The following RBFOX1 variants were observed in gnomAD, a reference collection of about 807,000 sequenced individuals.
RBFOX1 encodes the protein RNA binding protein fox-1 homolog 1.
In RBFOX1, 8 loss-of-function variants were observed where a neutral mutation model predicts 57.7. That is an observed-to-expected ratio of 0.14 (90% CI 0.08 to 0.25). The LOEUF (loss-of-function observed/expected upper bound fraction) is 0.25. Ranked by LOEUF, RBFOX1 falls within the 10% of genes least tolerant of loss-of-function variation. The probability of loss-of-function intolerance (pLI) is 1.00; values close to 1 mark genes in which losing one functional copy is unlikely to be tolerated. For synonymous variants in RBFOX1, 326 were observed against 222.4 expected (o/e 1.47, Z -4.15); for missense variants, 611 against 548.5 (o/e 1.11, Z -1.14).
At chr16:7,543,660 G>T (rs1252566190) in intron 5 of RBFOX1, among the ~76,000 whole-genome samples, 2 of 148,382 alleles carry the variant, frequency 1.3e-5, no homozygotes, top group African/African-American at 5.0e-5. Flanking sequence ...ACCATGCTGG[G>T]CAGTATCTGT....
intron 4 of RBFOX1, among the ~76,000 whole-genome samples, chr16:7,431,988 G>T (rs951140781): frequency 2.0e-5 from 3 of 152,206 alleles, no homozygotes; most frequent in African/African-American, 7.2e-5. Flanking sequence ...CCACCAGTGG[G>T]CAGCCTGTGG....
At chr16:7,482,593 C>G (rs918464308) in intron 4 of RBFOX1, among the ~76,000 whole-genome samples, 3 of 128,184 alleles carry the variant, frequency 2.3e-5, no homozygotes, top group African/African-American at 3.2e-5. Flanking sequence ...AAGATATTGC[C>G]TAGCCTCGGG....
At chr16:7,061,389 G>C (rs2054217953) in intron 4 of RBFOX1, among the ~76,000 whole-genome samples, 1 of 152,152 alleles carries the variant, frequency 6.6e-6, no homozygotes, top group Non-Finnish European at 1.5e-5. Flanking sequence ...TTCTGATCAA[G>C]AAATCAGCCA....
At chr16:6,256,255 A>ATGTGTATATATATATGTATATATATATG (rs1567788772) in intron 1 of RBFOX1, among the ~76,000 whole-genome samples, 5 of 110,402 alleles carry the variant, frequency 4.5e-5, no homozygotes, top group Admixed American at 2.0e-4. Context: ...ATGTATATAT[A>ATGTGTATATATATATGTATATATATATG]TGTGTATATA....
chr16:7,535,023 A>C (rs557282770), intron 5 of RBFOX1, among the ~76,000 whole-genome samples: 1 of 152,248 alleles, frequency 6.6e-6, no homozygotes, highest in South Asian at 2.1e-4. Flanking sequence ...GGCTAAGTGG[A>C]CCTCTGATTA....
intron 3 of RBFOX1, among the ~76,000 whole-genome samples, chr16:6,892,647 G>T (rs1423971663): frequency 2.0e-5 from 3 of 151,870 alleles, no homozygotes; most frequent in Non-Finnish European, 2.9e-5. Flanking sequence ...TCCAGCCTGG[G>T]CAACAGAGCA....
chr16:5,771,054 G>T (rs1429720588), intron 3 of RBFOX1, among the ~76,000 whole-genome samples: 1 of 152,184 alleles, frequency 6.6e-6, no homozygotes, highest in Admixed American at 6.5e-5. Flanking sequence ...CAAAACCTGA[G>T]GCTGCCTCCC....
At chr16:7,149,216 T>G (rs1426559020) in intron 4 of RBFOX1, among the ~76,000 whole-genome samples, 5 of 152,170 alleles carry the variant, frequency 3.3e-5, no homozygotes, top group African/African-American at 4.8e-5. Flanking sequence ...GAGTCAAGAC[T>G]GCTGGACTTC....
At chr16:5,457,474 A>T (rs984227019) in intron 1 of RBFOX1, among the ~76,000 whole-genome samples, 2 of 152,188 alleles carry the variant, frequency 1.3e-5, no homozygotes, top group Non-Finnish European at 2.9e-5. Context: ...CCCATTCATT[A>T]GAGTTCCACT....
chr16:7,076,620 C>T (rs896247823), intron 4 of RBFOX1, among the ~76,000 whole-genome samples: 1 of 152,132 alleles, frequency 6.6e-6, no homozygotes, highest in African/African-American at 2.4e-5. Context: ...TTTATTTTTG[C>T]ACATGAAATT....
At chr16:6,045,754 G>C (rs1157254587) in intron 1 of RBFOX1, among the ~76,000 whole-genome samples, 1 of 152,204 alleles carries the variant, frequency 6.6e-6, no homozygotes, top group African/African-American at 2.4e-5. Flanking sequence ...TGTTTCCTTA[G>C]GTGGAAGGTG....
chr16:6,333,712 G>A (rs1599734808), intron 2 of RBFOX1, among the ~76,000 whole-genome samples: 1 of 152,172 alleles, frequency 6.6e-6, no homozygotes, highest in African/African-American at 2.4e-5. Flanking sequence ...TAAGTTTTTA[G>A]ATCACAGACA....
At chr16:6,463,801 C>T (rs936625645) in intron 2 of RBFOX1, among the ~76,000 whole-genome samples, 1 of 152,190 alleles carries the variant, frequency 6.6e-6, no homozygotes, top group Non-Finnish European at 1.5e-5. Context: ...CACTGAATCA[C>T]GTGCCCATCA....
intron 3 of RBFOX1, among the ~76,000 whole-genome samples, chr16:5,725,666 C>T (rs974570758): frequency 6.6e-6 from 1 of 151,658 alleles, no homozygotes; most frequent in Non-Finnish European, 1.5e-5. Flanking sequence ...TAAGGAGAAT[C>T]AGAGAGGTAA....
chr16:6,539,806 G>GACACACACACACATACACACAC (rs2096787170), intron 2 of RBFOX1, among the ~76,000 whole-genome samples: 1 of 136,234 alleles, frequency 7.3e-6, no homozygotes, highest in East Asian at 2.7e-4. Context: ...TCAAAACACA[G>GACACACACACACATACACACAC]ACACACACAC....
chr16:7,519,680 C>T, intron 5 of RBFOX1: 1 of 985,254 alleles, frequency 1.0e-6, no homozygotes, highest in Non-Finnish European at 1.2e-6. Context: ...GCTTGGGAAC[C>T]CCAATCCTGT....
intron 1 of RBFOX1, among the ~76,000 whole-genome samples, chr16:6,086,597 A>T (rs2096088005): frequency 6.6e-6 from 1 of 152,156 alleles, no homozygotes; most frequent in Non-Finnish European, 1.5e-5. Flanking sequence ...TATACTGCTG[A>T]CTGGGCTGGG....
intron 1 of RBFOX1, among the ~76,000 whole-genome samples, chr16:6,184,243 G>T (rs939964575): frequency 8.5e-5 from 13 of 152,258 alleles, no homozygotes; most frequent in Admixed American, 2.6e-4. Flanking sequence ...GATGAGATTT[G>T]GGTGGGGACA....
chr16:5,849,666 G>T (rs1375999964), intron 3 of RBFOX1, among the ~76,000 whole-genome samples: 1 of 152,102 alleles, frequency 6.6e-6, no homozygotes, highest in Non-Finnish European at 1.5e-5. Flanking sequence ...CTCCTGTTGC[G>T]TGGCCCCCTC....
Sources: allele counts gnomAD v4.1 joint callset (sites outside exome capture counted in the v4.1 genomes callset), GRCh38; gene constraint gnomAD v4.1.1; transcripts MANE v1.5; gene names NCBI Gene and HGNC (gene_info 2026-07-23, HGNC 2026-07-21).